The following CLIC6 variants were observed in gnomAD, a reference collection of about 807,000 sequenced individuals.
CLIC6 encodes the protein CLIC family member 6.
CLIC6 carries 39 observed loss-of-function variants against 49.2 expected under a neutral mutation model. That is an observed-to-expected ratio of 0.79 (90% CI 0.61 to 1.04). The LOEUF (loss-of-function observed/expected upper bound fraction) is 1.04. Ranked by LOEUF, CLIC6 falls within the 50% of genes least tolerant of loss-of-function variation. The pLI, the probability that CLIC6 is intolerant of heterozygous loss-of-function variation, is 0.00. For missense variants in CLIC6, 988 were observed against 993.1 expected, an observed-to-expected ratio of 0.99 and a Z score of 0.07; for synonymous variants, 446 against 433.4, an observed-to-expected ratio of 1.03 and a Z score of -0.36.
At chr21:34,714,528 A>G (rs1038307369) in intron 5 of CLIC6, among the ~76,000 whole-genome samples, 3 of 152,084 alleles carry the variant, frequency 2.0e-5, no homozygotes, top group African/African-American at 7.2e-5. Flanking sequence ...TCTCTACTAA[A>G]AAGACAAAAA....
At chr21:34,675,999 TC>T (rs1989663981) in intron 1 of CLIC6, among the ~76,000 whole-genome samples, 1 of 91,482 alleles carries the variant, frequency 1.1e-5, no homozygotes, top group African/African-American at 4.6e-5. Context: ...CCCGTCTCTG[TC>T]TGGGCTGACA....
At position 34,678,488 on chromosome 21, in the gene CLIC6, A is replaced by G. The variant is rs1000276713; in HGVS notation, c.1374+7726A>G. Among the ~76,000 whole-genome samples, 4 of 152,134 alleles carry G rather than the reference A, an allele frequency of 2.6e-5. No individual in the cohort carries two copies. In the East Asian group the frequency reaches 7.7e-4, roughly 29 times the overall value. ...TAGCTTATACCTACTTTTATTCATC[A>G]TCTGGGGCTAGATACAATGCCATTC... On this transcript the variant is annotated intron_variant, in intron 1 of 5. Coordinates refer to ENST00000349499, the MANE Select transcript of CLIC6 (RefSeq NM_053277.3).
chr21:34,678,874 C>G (rs1989724244), intron 1 of CLIC6, among the ~76,000 whole-genome samples: 1 of 152,154 alleles, frequency 6.6e-6, no homozygotes, highest in African/African-American at 2.4e-5. Context: ...CCCATGAAGC[C>G]CAACCTCCCA....
rs1465433499 is a variant in CLIC6 at position 34,709,557 on chromosome 21, C to T, written c.1899+19C>T. 4 of 1,610,352 alleles carry T rather than the reference C, an allele frequency of 2.5e-6. No individual in the cohort carries two copies. The highest frequency in any genetic ancestry group is 3.4e-6 in the Non-Finnish European group (4 of 1,177,036). On this transcript the variant is annotated intron_variant, in intron 5 of 5. Transcript: ENST00000349499. ...TATTAAGGTTCATCTTCCCTCCCGACACGTGTGCCGAGTACACGAACGGGG... is the reference window on the plus strand; with the variant it reads ...TATTAAGGTTCATCTTCCCTCCCGATACGTGTGCCGAGTACACGAACGGGG...
Position 34,670,703 on chromosome 21 carries a change from G to A in CLIC6, c.1315G>A (p.Gly439Arg), listed in dbSNP as rs1374461391. 5 of 1,592,046 alleles carry A rather than the reference G, an allele frequency of 3.1e-6. No individual in the cohort carries two copies. The highest frequency in any genetic ancestry group is 1.7e-5 in the Admixed American group (1 of 58,456). ...GCGCGTGAACGGCCGCCGGGAGGAC[G>A]GAGAGGCGTCCGAGCCCCGGGCCCT... is the stretch of plus-strand genomic sequence containing the variant. The part of the protein sequence containing the change: ...AARVNGRRED[G>R]EASEPRALGQ... The change falls in exon 1 of 6, where the codon GGA becomes AGA. Residue 439 changes from glycine (G) to arginine (R), a missense_variant. Transcript: ENST00000349499.
chr21:34,679,899 G>T (rs1433845350), intron 1 of CLIC6, among the ~76,000 whole-genome samples: 1 of 152,224 alleles, frequency 6.6e-6, no homozygotes, highest in Admixed American at 6.5e-5. Flanking sequence ...CTGCTTTCAC[G>T]GACTGGTGTT....
intron 5 of CLIC6, among the ~76,000 whole-genome samples, chr21:34,715,949 C>T (rs551040713): frequency 3.3e-5 from 5 of 152,328 alleles, no homozygotes; most frequent in Non-Finnish European, 7.4e-5. Flanking sequence ...ATCCACCATG[C>T]GTCTTTATTC....
rs1425791400 is a variant in CLIC6, at chr21:34,717,733, C to T, written c.*1251C>T. The T allele has an allele frequency of 3.9e-5, 6 of 152,160 alleles. No individual in the cohort carries two copies. The highest frequency in any genetic ancestry group is 8.8e-5 in the Non-Finnish European group (6 of 68,042). 9.4% of individuals were successfully genotyped at this position (152,160 alleles called of 1,614,324 possible). ...AGCCAGAATGTGTTCTTCGGACAGTCGTACACATCTTACAGAAAACCCTCC... is the reference window on the plus strand; with the variant it reads ...AGCCAGAATGTGTTCTTCGGACAGTTGTACACATCTTACAGAAAACCCTCC... On this transcript the variant is annotated 3_prime_UTR_variant, in exon 6 of 6. Transcript: ENST00000349499.
rs2056090498 is a variant in CLIC6 at position 34,716,869 on chromosome 21, C to CTCT, written c.*387_*388insTCT. 1 of 124,856 alleles carries CTCT rather than the reference C, an allele frequency of 8.0e-6. No homozygotes were observed. The highest frequency in any genetic ancestry group is 2.9e-5 in the African/African-American group (1 of 34,966). 7.7% of individuals were successfully genotyped at this position (124,856 alleles called of 1,614,324 possible). Reference sequence around the variant, plus strand: ...TCTCTCTCTCTCTCTCTATCACACACACACACACACACACACACACACACA... The same window carrying CTCT: ...TCTCTCTCTCTCTCTCTATCACACACTCTACACACACACACACACACACACACA... On this transcript the variant is annotated 3_prime_UTR_variant, in exon 6 of 6. Coordinates refer to ENST00000349499, the MANE Select transcript of CLIC6 (RefSeq NM_053277.3).
intron 1 of CLIC6, among the ~76,000 whole-genome samples, chr21:34,691,623 T>C (rs188781314): frequency 2.1e-3 from 316 of 152,108 alleles, no homozygotes; most frequent in Admixed American, 4.4e-3. Flanking sequence ...CATGAGGATA[T>C]AGGGCAAGGT....
chr21:34,688,801 G>C (rs942474022), intron 1 of CLIC6, among the ~76,000 whole-genome samples: 1 of 152,136 alleles, frequency 6.6e-6, no homozygotes, highest in Non-Finnish European at 1.5e-5. Context: ...TGTTTCTAAG[G>C]GGAAACAGAA....
intron 1 of CLIC6, 24 bp downstream of exon 1, chr21:34,670,786 T>A: frequency 6.3e-7 from 1 of 1,584,982 alleles, no homozygotes; most frequent in Non-Finnish European, 8.5e-7. Flanking sequence ...CCCTCAATTC[T>A]TAGGACGACC....
At position 34,717,442 on chromosome 21, in the gene CLIC6, C is replaced by T. The variant is rs1014142092; in HGVS notation, c.*960C>T. 6.6e-6 allele frequency: 1 copy of T among 152,188 alleles called. No individual in the cohort carries two copies. Among genetic ancestry groups the T allele is most frequent in the Non-Finnish European group, 1.5e-5 (1 of 68,080 alleles). 9.4% of individuals were successfully genotyped at this position (152,188 alleles called of 1,614,324 possible). On this transcript the variant is annotated 3_prime_UTR_variant, in exon 6 of 6. Transcript: ENST00000349499. ...TCTGCCCTTCATTGTCTCATCTAGA[C>T]ATCAAGCAGGGAAAATCCAGGGAGA... is the stretch of plus-strand genomic sequence containing the variant.
At chr21:34,690,877 A>AAAAAGC (rs1423207509) in intron 1 of CLIC6, among the ~76,000 whole-genome samples, 9 of 151,546 alleles carry the variant, frequency 5.9e-5, no homozygotes, top group African/African-American at 1.9e-4. Flanking sequence ...AAAAAAAAAA[A>AAAAAGC]AAAAGCATGT....
rs763612193 is a variant in CLIC6, at chr21:34,708,864, G to A, written c.1717+58G>A. 159 of 1,219,098 alleles carry A rather than the reference G, an allele frequency of 1.3e-4. 1 individual carries two copies. Among genetic ancestry groups the A allele is most frequent in the Admixed American group, 2.1e-4 (12 of 57,792 alleles). The allele number at this position is 1,219,098 out of a possible 1,614,324, so 75.5% of individuals were successfully genotyped here. ...ACACAGACTTGAGTCTTAGCATGGC[G>A]GCCCATACGCTCCTGGGGTATTCCC... On this transcript the variant is annotated intron_variant, in intron 4 of 5. Transcript: ENST00000349499.
intron 1 of CLIC6, among the ~76,000 whole-genome samples, chr21:34,689,030 G>A (rs1020244536): frequency 6.6e-6 from 1 of 152,184 alleles, no homozygotes; most frequent in Non-Finnish European, 1.5e-5. Flanking sequence ...TCAGTGTGGG[G>A]TGAGGGAATG....
intron 1 of CLIC6, among the ~76,000 whole-genome samples, chr21:34,696,819 G>A (rs535516516): frequency 2.7e-4 from 41 of 152,110 alleles, no homozygotes; most frequent in Admixed American, 5.2e-4. Flanking sequence ...AAGGCCTCAG[G>A]TGTATTATTT....
intron 1 of CLIC6, among the ~76,000 whole-genome samples, chr21:34,678,775 A>G (rs1303145571): frequency 6.6e-6 from 1 of 152,212 alleles, no homozygotes; most frequent in Admixed American, 6.5e-5. Flanking sequence ...AAATTTACTT[A>G]CCATTTTTTT....
intron 1 of CLIC6, among the ~76,000 whole-genome samples, chr21:34,676,422 G>T (rs912275272): frequency 6.6e-6 from 1 of 152,196 alleles, no homozygotes; most frequent in African/African-American, 2.4e-5. Context: ...CAAGCTTCTT[G>T]CCCTCCCAGA....
Sources: gnomAD v4.1 joint callset for allele counts (sites outside exome capture counted in the v4.1 genomes callset) on GRCh38, gnomAD v4.1.1 for gene constraint, MANE v1.5 for transcripts, NCBI Gene and HGNC (gene_info 2026-07-23, HGNC 2026-07-21) for gene names.